NRG2: variants seen among roughly 807,000 people sequenced by gnomAD.
NRG2 encodes pro-neuregulin-2, membrane-bound isoform.
A neutral mutation model predicts 73.9 loss-of-function variants in NRG2; 27 were observed. The observed-to-expected ratio is 0.37, with a 90% confidence interval of 0.27 to 0.50. NRG2 has a LOEUF of 0.50. NRG2 is among the 20% of genes least tolerant of loss of function. NRG2 has a pLI of 0.96. For synonymous variants in NRG2, 532 were observed against 541.0 expected, an observed-to-expected ratio of 0.98 and a Z score of 0.23; for missense variants, 1,126 against 1,210.1, an observed-to-expected ratio of 0.93 and a Z score of 1.03.
chr5:139,885,331 G>A (rs540771974), intron 2 of NRG2, among the ~76,000 whole-genome samples: 4 of 152,334 alleles, frequency 2.6e-5, no homozygotes, highest in South Asian at 2.1e-4. Flanking sequence ...CACAGGGCCC[G>A]GGGAGCAGGT....
intron 5 of NRG2, among the ~76,000 whole-genome samples, chr5:139,860,997 AAC>A (rs1762110979): frequency 6.6e-6 from 1 of 152,308 alleles, no homozygotes; most frequent in African/African-American, 2.4e-5. Flanking sequence ...CAGAAATCTC[AAC>A]AGTGTTTTTA....
At position 139,904,007 on chromosome 5, in the gene NRG2, G is replaced by A. The variant is rs935256333; in HGVS notation, c.701-16496C>T. On this transcript the variant is annotated intron_variant, in intron 1 of 9. Transcript: ENST00000361474. The surrounding 1 kb of genome is among the most constrained non-coding windows in gnomAD (Gnocchi z 6.0). ...GGTATCCGCGGCTCCATCCCCGCTC[G>A]CTCAGGGCTGCTCGCCTGCAGGCCG... Among the ~76,000 whole-genome samples the A allele has an allele frequency of 3.3e-5, 5 of 152,224 alleles. No individual in the cohort carries two copies. Among genetic ancestry groups the A allele is most frequent in the African/African-American group, 1.2e-4 (5 of 41,470 alleles).
intron 1 of NRG2, among the ~76,000 whole-genome samples, chr5:139,889,218 T>C (rs1734457575): frequency 6.6e-6 from 1 of 152,186 alleles, no homozygotes; most frequent in South Asian, 2.1e-4. Flanking sequence ...TTCTTGGAAC[T>C]CTTGGTAGCA....
At chr5:140,016,667 A>G (rs1759805922) in intron 1 of NRG2, among the ~76,000 whole-genome samples, 1 of 152,284 alleles carries the variant, frequency 6.6e-6, no homozygotes, top group African/African-American at 2.4e-5. Flanking sequence ...CTATGTGAAC[A>G]GATGTAGCAC....
chr5:139,966,854 C>A (rs1007979339), intron 1 of NRG2, among the ~76,000 whole-genome samples: 2 of 152,140 alleles, frequency 1.3e-5, no homozygotes, highest in African/African-American at 4.8e-5. Flanking sequence ...GAAAAGCAAG[C>A]TCAGAGCATA....
At chr5:140,028,629 C>A (rs911090958) in intron 1 of NRG2, among the ~76,000 whole-genome samples, 1 of 151,984 alleles carries the variant, frequency 6.6e-6, no homozygotes, top group Non-Finnish European at 1.5e-5. Flanking sequence ...GGCCAGGGGG[C>A]CAGGGGGAGG....
intron 1 of NRG2, among the ~76,000 whole-genome samples, chr5:140,003,337 A>T (rs1758639955): frequency 6.6e-6 from 1 of 152,244 alleles, no homozygotes; most frequent in South Asian, 2.1e-4. Context: ...TTTACCTAAC[A>T]GGGCAAAAAG....
chr5:139,965,935 A>G (rs550283623), intron 1 of NRG2, among the ~76,000 whole-genome samples: 93 of 152,196 alleles, frequency 6.1e-4, no homozygotes, highest in Admixed American at 3.5e-3. Context: ...GCCCTATATC[A>G]GCCTATTCAT....
At chr5:139,859,161 G>A (rs1160393027) in intron 5 of NRG2, among the ~76,000 whole-genome samples, 2 of 152,158 alleles carry the variant, frequency 1.3e-5, no homozygotes, top group Admixed American at 1.3e-4. Flanking sequence ...AGCCCAAGGA[G>A]TCTTCCGGGG....
At chr5:139,971,450 A>G (rs1755964146) in intron 1 of NRG2, among the ~76,000 whole-genome samples, 1 of 152,200 alleles carries the variant, frequency 6.6e-6, no homozygotes, top group Non-Finnish European at 1.5e-5. Context: ...TCCTTTCACA[A>G]TGGCAAGGAA....
rs972799434 is a variant in NRG2, at chr5:139,847,789, T to C, written c.*128A>G. On this transcript the variant is annotated 3_prime_UTR_variant, in exon 10 of 10. Transcript: ENST00000361474. ...AAAATGAAAATAAAACATTTTGTTATACTTTTTTCCTTTTATAGAAAATAA... is the reference window on the plus strand; with the variant it reads ...AAAATGAAAATAAAACATTTTGTTACACTTTTTTCCTTTTATAGAAAATAA... 7.5e-6 allele frequency: 5 copies of C among 667,724 alleles called. No homozygotes were observed. In the African/African-American group the frequency reaches 7.5e-5, roughly 10 times the overall value. The allele number at this position is 667,724 out of a possible 1,614,324, so 41.4% of individuals were successfully genotyped here. A position where few individuals can be genotyped will look rare whatever the true frequency, so the allele number is the denominator to read the frequency against.
Position 139,915,767 on chromosome 5 carries a change from A to G in NRG2, c.701-28256T>C, listed in dbSNP as rs1751202712. Among the ~76,000 whole-genome samples the G allele has an allele frequency of 6.6e-6, 1 of 152,340 alleles. No individual in the cohort carries two copies. Among genetic ancestry groups the G allele is most frequent in the East Asian group, 1.9e-4 (1 of 5,188 alleles). On this transcript the variant is annotated intron_variant, in intron 1 of 9. Transcript: ENST00000361474. The surrounding 1 kb of genome is among the most constrained non-coding windows in gnomAD (Gnocchi z 4.0). Reference sequence around the variant, plus strand: ...TCAGCTAGTTAAAATGAAAGGAAGGATCATGGTGACATTTGTATCGCAAAA... The same window carrying G: ...TCAGCTAGTTAAAATGAAAGGAAGGGTCATGGTGACATTTGTATCGCAAAA...
chr5:140,030,208 T>C (rs1015078990), intron 1 of NRG2, among the ~76,000 whole-genome samples: 1 of 152,146 alleles, frequency 6.6e-6, no homozygotes, highest in African/African-American at 2.4e-5. Flanking sequence ...AAAAGTAAAC[T>C]CTTATACTTA....
At chr5:139,984,544 C>G (rs1580875272) in intron 1 of NRG2, among the ~76,000 whole-genome samples, 1 of 152,308 alleles carries the variant, frequency 6.6e-6, no homozygotes, top group East Asian at 1.9e-4. Context: ...ATAAGATGTA[C>G]TTCAGAATGG....
intron 1 of NRG2, among the ~76,000 whole-genome samples, chr5:139,928,009 C>T (rs1752192053): frequency 6.6e-6 from 1 of 152,014 alleles, no homozygotes; most frequent in African/African-American, 2.4e-5. Context: ...AGAAAAAGCC[C>T]CATTTGTCTT....
chr5:139,935,189 A>G (rs1752757549), intron 1 of NRG2, among the ~76,000 whole-genome samples: 1 of 152,178 alleles, frequency 6.6e-6, no homozygotes, highest in South Asian at 2.1e-4. Context: ...AAGAAAAAAG[A>G]AATAATCCTA....
At chr5:140,029,292 A>T (rs571839063) in intron 1 of NRG2, among the ~76,000 whole-genome samples, 44 of 152,220 alleles carry the variant, frequency 2.9e-4, no homozygotes, top group Non-Finnish European at 5.4e-4. Flanking sequence ...CACAGTCAGG[A>T]ACAGAGTCAC....
intron 3 of NRG2, among the ~76,000 whole-genome samples, chr5:139,877,565 A>C (rs1157996222): frequency 1.3e-5 from 2 of 152,250 alleles, no homozygotes; most frequent in Non-Finnish European, 1.5e-5. Flanking sequence ...TCTGCCTGGG[A>C]AAACATCCCC....
In NRG2 at chr5:139,848,179, G is replaced by A. The variant is rs1375412607; in HGVS notation, c.2291C>T (p.Ser764Leu). The stretch of plus-strand genomic sequence containing the variant: ...GCCGCCGCCCGAGCCGCTGCTCAGC[G>A]ACAGCGAGTCCCTCGCCGCCCGTGC... ...QRARAARDSLSLSSGSGGGSA... is the reference protein window; with the variant it reads ...QRARAARDSLLLSSGSGGGSA... Residue 764 changes from serine to leucine, a missense_variant, in exon 10 of 10, where the codon TCG becomes TTG. Physicochemically the swap from Ser to Leu is moderately radical, Grantham distance 145. This residue lies in a region of NRG2 where 402 missense variants were observed against 357.8 expected (regional missense o/e 1.12). Coordinates refer to ENST00000361474, the MANE Select transcript of NRG2 (RefSeq NM_004883.3). 5.7e-6 allele frequency: 8 copies of A among 1,411,614 alleles called. No individual in the cohort carries two copies. The highest frequency in any genetic ancestry group is 7.3e-6 in the Non-Finnish European group (8 of 1,088,712). 87.4% of individuals were successfully genotyped at this position (1,411,614 alleles called of 1,614,324 possible). A position where few individuals can be genotyped will look rare whatever the true frequency, so the allele number is the denominator to read the frequency against.
Sources: allele counts gnomAD v4.1 joint callset (sites outside exome capture counted in the v4.1 genomes callset), GRCh38; gene constraint gnomAD v4.1.1; regional missense constraint gnomAD v4.1.1; non-coding constraint Gnocchi (gnomAD v3.1); transcripts MANE v1.5; gene names NCBI Gene and HGNC (gene_info 2026-07-23, HGNC 2026-07-21).